CHRNA3: variants seen among roughly 807,000 people sequenced by gnomAD.
The protein encoded by CHRNA3 is cholinergic receptor nicotinic alpha 3 subunit.
A neutral mutation model predicts 41.9 loss-of-function variants in CHRNA3; 34 were observed. The observed-to-expected ratio is 0.81, with a 90% CI of 0.62 to 1.08. The LOEUF (loss-of-function observed/expected upper bound fraction) is 1.08. Among genes scored for constraint, CHRNA3 ranks in the 50% least tolerant of loss-of-function variants. CHRNA3 has a pLI of 0.00. For missense variants in CHRNA3, 542 were observed against 638.3 expected, an observed-to-expected ratio of 0.85 and a Z score of 1.63; for synonymous variants, 281 against 265.2, an observed-to-expected ratio of 1.06 and a Z score of -0.58.
chr15:78,613,771 A>C (rs2053419636), intron 4 of CHRNA3, among the ~76,000 whole-genome samples: 2 of 74,134 alleles, frequency 2.7e-5, no homozygotes, highest in South Asian at 8.0e-4. Context: ...CAAACAAAAA[A>C]AAAACCAAAA....
At position 78,618,400 on chromosome 15, in the gene CHRNA3, G is replaced by A. The variant is rs1163834083; in HGVS notation, c.267+217C>T. The A allele has an allele frequency of 1.5e-5, 9 of 582,368 alleles. No individual in the cohort carries two copies. In the East Asian group the frequency reaches 2.0e-4, roughly 13 times the overall value. 36.1% of individuals were successfully genotyped at this position (582,368 alleles called of 1,614,324 possible). On this transcript the variant is annotated intron_variant, in intron 3 of 5. Transcript: ENST00000326828. ...TCCAGGCTGCAACCTGTCCATCTGG[G>A]ACTTGAGGGGTTGGGCCCTACAGTC...
chr15:78,605,022 A>G (rs959753195), intron 4 of CHRNA3, among the ~76,000 whole-genome samples: 8 of 152,226 alleles, frequency 5.3e-5, no homozygotes, highest in African/African-American at 1.7e-4. Flanking sequence ...CAGTCAATCA[A>G]TATCACACCC....
At chr15:78,602,518 C>T (rs924328478) in intron 4 of CHRNA3, among the ~76,000 whole-genome samples, 1 of 152,202 alleles carries the variant, frequency 6.6e-6, no homozygotes, top group Non-Finnish European at 1.5e-5. Flanking sequence ...GTTCATCCCA[C>T]AATACAGGTC....
intron 4 of CHRNA3, among the ~76,000 whole-genome samples, chr15:78,608,578 T>C (rs1208116344): frequency 3.9e-5 from 6 of 152,210 alleles, no homozygotes; most frequent in Non-Finnish European, 8.8e-5. Flanking sequence ...AAAACCCATC[T>C]GTACGTCACC....
chr15:78,617,234 G>A (rs1340916358), intron 3 of CHRNA3, 101 bp from the exon 4 acceptor site: 6 of 705,270 alleles, frequency 8.5e-6, no homozygotes, highest in Non-Finnish European at 1.5e-5. Flanking sequence ...CACCCCTGCT[G>A]CATGTGACCG....
chr15:78,604,358 A>G (rs1338561882), intron 4 of CHRNA3, among the ~76,000 whole-genome samples: 7 of 152,332 alleles, frequency 4.6e-5, no homozygotes, highest in South Asian at 2.1e-4. Context: ...AAGGACAGGA[A>G]TGACTTGCTC....
chr15:78,601,359 A>G lies in CHRNA3; in HGVS notation c.1283T>C (p.Val428Ala), dbSNP rs201268648. The G allele has an allele frequency of 1.9e-6, 3 of 1,614,098 alleles. No individual in the cohort carries two copies. Among genetic ancestry groups the G allele is most frequent in the African/African-American group, 2.7e-5 (2 of 74,940 alleles). Residue 428 changes from valine (V) to alanine (A), a missense_variant, in exon 5 of 6, where the codon GTT becomes GCT. By Grantham distance (64) the Val-to-Ala change is moderately conservative. Transcript: ENST00000326828. ...NLTRSSSSES[V>A]DAVLSLSALS... ...AGCAGAGAGGGACAGCACAGCATCAACAGATTCAGAACTAGAGCTTCTCGT... is the reference window on the plus strand; with the variant it reads ...AGCAGAGAGGGACAGCACAGCATCAGCAGATTCAGAACTAGAGCTTCTCGT...
chr15:78,614,716 A>C (rs2053436351), intron 4 of CHRNA3, among the ~76,000 whole-genome samples: 1 of 152,250 alleles, frequency 6.6e-6, no homozygotes, highest in Non-Finnish European at 1.5e-5. Context: ...TTAAATGTAA[A>C]TGTAAAAGGT....
intron 4 of CHRNA3, among the ~76,000 whole-genome samples, chr15:78,613,459 C>G (rs1023755062): frequency 6.6e-6 from 1 of 151,050 alleles, no homozygotes; most frequent in African/African-American, 2.4e-5. Flanking sequence ...TCTCAGCAAA[C>G]TATCGCAAGG....
At chr15:78,597,205 G>C (rs1046986554) in intron 5 of CHRNA3, among the ~76,000 whole-genome samples, 1 of 152,132 alleles carries the variant, frequency 6.6e-6, no homozygotes, top group Non-Finnish European at 1.5e-5. Context: ...GATCACCTGA[G>C]GTCAGGAGTT....
chr15:78,613,013 C>G (rs916805483), intron 4 of CHRNA3, among the ~76,000 whole-genome samples: 7 of 152,150 alleles, frequency 4.6e-5, no homozygotes, highest in Non-Finnish European at 1.0e-4. Flanking sequence ...ATCAAAACCA[C>G]AATGAGATAC....
In CHRNA3 at chr15:78,601,636, G is replaced by T. The variant is rs2053200531; in HGVS notation, c.1006C>A (p.His336Asn). 5 of 1,614,186 alleles carry T rather than the reference G, an allele frequency of 3.1e-6. No individual in the cohort carries two copies. The East Asian group carries it at 1.1e-4, about 36-fold the overall frequency. Residue 336 changes from histidine to asparagine, a missense_variant, in exon 5 of 6, where the codon CAC becomes AAC. Physicochemically the swap from His to Asn is moderately conservative, Grantham distance 68. Coordinates refer to ENST00000326828, the MANE Select transcript of CHRNA3 (RefSeq NM_000743.5). ...LNVHYRTPTT[H>N]TMPSWVKTVF... is the part of the protein sequence containing the mutation. ...GTCTTCACCCATGAGGGCATTGTGT[G>T]TGTCGTCGGGGTTCTGTAGTGCACG...
At chr15:78,613,597 C>T (rs1424871045) in intron 4 of CHRNA3, among the ~76,000 whole-genome samples, 41 of 150,364 alleles carry the variant, frequency 2.7e-4, no homozygotes, top group African/African-American at 1.0e-3. Context: ...GGAGAGATAG[C>T]ATTAGGAGAT....
At chr15:78,620,399 A>AGGGCGACGGGCAG in intron 1 of CHRNA3, 5 of 223,412 alleles carry the variant, frequency 2.2e-5, no homozygotes, top group Non-Finnish European at 2.7e-5. Context: ...CAGCGCGGGG[A>AGGGCGACGGGCAG]CGCGAATCCC....
rs183089274 is a variant in CHRNA3, at chr15:78,606,987, G to T, written c.378-4723C>A. 6.8e-4 allele frequency among the ~76,000 whole-genome samples: 104 copies of T among 152,246 alleles called. 1 individual carries two copies. Among genetic ancestry groups the T allele is most frequent in the Non-Finnish European group, 1.2e-3 (81 of 68,016 alleles). On this transcript the variant is annotated intron_variant, in intron 4 of 5. Coordinates refer to ENST00000326828, the MANE Select transcript of CHRNA3 (RefSeq NM_000743.5). ...TCACACCTGTAATCCCAGCACTTTG[G>T]AAGGCTGAGGCGGGCAGATCATTTG...
intron 4 of CHRNA3, 86 bp downstream of exon 4, chr15:78,616,938 G>C (rs2053471107): frequency 1.2e-6 from 1 of 832,466 alleles, no homozygotes; most frequent in African/African-American, 1.7e-5. Context: ...AAAGGCCAAG[G>C]AAGGCCAGGT....
At chr15:78,607,926 G>GCAC (rs199928509) in intron 4 of CHRNA3, among the ~76,000 whole-genome samples, 2,263 of 152,326 alleles carry the variant, frequency 0.015, 60 homozygotes, top group African/African-American at 0.051. Context: ...ATTACATCCT[G>GCAC]CACCTTGCTC....
chr15:78,618,886 G>C lies in CHRNA3; in HGVS notation c.112C>G (p.Leu38Val), dbSNP rs1362243162. The C allele has an allele frequency of 1.9e-6, 3 of 1,613,708 alleles. No homozygotes were observed. The highest frequency in any genetic ancestry group is 2.5e-6 in the Non-Finnish European group (3 of 1,179,986). The change falls in exon 2 of 6, where the codon CTA (leucine) becomes GTA (valine). Residue 38 changes from leucine (L) to valine (V), a missense_variant. Coordinates refer to ENST00000326828, the MANE Select transcript of CHRNA3 (RefSeq NM_000743.5). ...TAATCTTCAAACAGCCGCTCAAATA[G>C]ACGGTGCTCAGCCTCTGAGGCCCTG... is the stretch of plus-strand genomic sequence containing the variant. ...VARASEAEHR[L>V]FERLFEDYNE...
intron 5 of CHRNA3, among the ~76,000 whole-genome samples, chr15:78,597,372 A>G (rs2141320144): frequency 6.6e-6 from 1 of 152,358 alleles, no homozygotes; most frequent in East Asian, 1.9e-4. Context: ...CGGAGGTTGC[A>G]GTGAGCAGAG....
Sources: gnomAD v4.1 joint callset for allele counts (sites outside exome capture counted in the v4.1 genomes callset) on GRCh38, gnomAD v4.1.1 for gene constraint, MANE v1.5 for transcripts, NCBI Gene and HGNC (gene_info 2026-07-23, HGNC 2026-07-21) for gene names.